CYRIA: variants seen among roughly 807,000 people sequenced by gnomAD.
CYRIA encodes CYFIP-related Rac1 interactor A.
CYRIA carries 15 observed loss-of-function variants against 43.9 expected under a neutral mutation model. The observed-to-expected ratio is 0.34, with a 90% CI of 0.23 to 0.53. The LOEUF (loss-of-function observed/expected upper bound fraction) is 0.53, where lower values mean the gene tolerates loss of function less well. Among genes scored for constraint, CYRIA ranks in the 20% least tolerant of loss-of-function variants. The pLI is 0.94. For synonymous variants in CYRIA, 117 were observed against 136.0 expected (o/e 0.86, Z 0.97); for missense variants, 236 against 394.2 (o/e 0.60, Z 3.40).
At chr2:16,568,150 A>G (rs1320642646) in intron 3 of CYRIA, among the ~76,000 whole-genome samples, 1 of 150,326 alleles carries the variant, frequency 6.7e-6, no homozygotes, top group Admixed American at 6.7e-5. Context: ...GAAAATTCTC[A>G]CTGGAGTATT....
intron 1 of CYRIA, among the ~76,000 whole-genome samples, chr2:16,653,922 GA>G (rs951936054): frequency 2.6e-5 from 4 of 152,226 alleles, no homozygotes; most frequent in African/African-American, 9.6e-5. Flanking sequence ...GATGAGCCAT[GA>G]AACTGAAAAT....
chr2:16,562,572 C>A (rs1329577637), intron 5 of CYRIA, among the ~76,000 whole-genome samples: 1 of 152,148 alleles, frequency 6.6e-6, no homozygotes, highest in East Asian at 1.9e-4. Flanking sequence ...CTTTTCTCTG[C>A]ATCTACATTC....
At chr2:16,593,710 GTGTGTGTGTT>G (rs1558418681) in intron 2 of CYRIA, among the ~76,000 whole-genome samples, 3 of 75,676 alleles carry the variant, frequency 4.0e-5, no homozygotes, top group Non-Finnish European at 7.0e-5. Context: ...TTTTTTTTGT[GTGTGTGTGTT>G]TTTTTTTTTT....
chr2:16,553,890 T>C lies in CYRIA; in HGVS notation c.909-891A>G, dbSNP rs573649643. Among the ~76,000 whole-genome samples, 13 of 152,224 alleles carry C rather than the reference T, an allele frequency of 8.5e-5. No individual in the cohort carries two copies. In the South Asian group the frequency reaches 1.9e-3, roughly 22 times the overall value. ...GAAGTTAAAGCCTTATTCATGTGTA[T>C]AGAAAGTCATCCTGGGTGTGAAATG... On this transcript the variant is annotated intron_variant, in intron 11 of 11. Transcript: ENST00000381323.
At chr2:16,570,762 C>T (rs917359143) in intron 3 of CYRIA, among the ~76,000 whole-genome samples, 1 of 152,162 alleles carries the variant, frequency 6.6e-6, no homozygotes, top group Non-Finnish European at 1.5e-5. Flanking sequence ...AAGAAAGGTA[C>T]AAACAGTCCC....
At chr2:16,616,623 C>T (rs1406034100) in intron 2 of CYRIA, among the ~76,000 whole-genome samples, 1 of 152,236 alleles carries the variant, frequency 6.6e-6, no homozygotes, top group East Asian at 1.9e-4. Context: ...CTCGGCTTTG[C>T]AACTCAATCA....
chr2:16,640,797 G>C (rs1669654464), intron 1 of CYRIA, among the ~76,000 whole-genome samples: 1 of 149,308 alleles, frequency 6.7e-6, no homozygotes, highest in Non-Finnish European at 1.5e-5. Flanking sequence ...GGGTTCTTTT[G>C]TTTCCTAAAC....
At chr2:16,628,296 G>A (rs1419486416) in intron 1 of CYRIA, among the ~76,000 whole-genome samples, 5 of 152,198 alleles carry the variant, frequency 3.3e-5, no homozygotes, top group Non-Finnish European at 7.3e-5. Flanking sequence ...TGCAGTTGAG[G>A]AAAGCTAAGT....
At chr2:16,612,206 T>C (rs1668629487) in intron 2 of CYRIA, among the ~76,000 whole-genome samples, 1 of 152,030 alleles carries the variant, frequency 6.6e-6, no homozygotes. Flanking sequence ...TGAAGAATGA[T>C]AGTGTGAAGG....
chr2:16,653,893 A>G (rs995965643), intron 1 of CYRIA, among the ~76,000 whole-genome samples: 2 of 152,248 alleles, frequency 1.3e-5, no homozygotes, highest in Non-Finnish European at 2.9e-5. Context: ...AAGCTAACGC[A>G]TAGTATTTGC....
At chr2:16,656,989 T>C (rs1478021215) in intron 1 of CYRIA, among the ~76,000 whole-genome samples, 1 of 152,134 alleles carries the variant, frequency 6.6e-6, no homozygotes, top group Non-Finnish European at 1.5e-5. Context: ...ACTTTCTACA[T>C]CCCTCCAGAG....
intron 2 of CYRIA, among the ~76,000 whole-genome samples, chr2:16,588,793 A>G (rs1040107716): frequency 6.6e-6 from 1 of 152,136 alleles, no homozygotes; most frequent in Non-Finnish European, 1.5e-5. Flanking sequence ...GGATCTTGTG[A>G]TCTGACATTC....
intron 5 of CYRIA, among the ~76,000 whole-genome samples, chr2:16,563,474 T>A (rs1018143955): frequency 2.6e-5 from 4 of 152,216 alleles, no homozygotes; most frequent in Non-Finnish European, 4.4e-5. Context: ...GATTTTGTCA[T>A]ATTGCTGGTC....
chr2:16,640,963 C>T (rs1166625649), intron 1 of CYRIA, among the ~76,000 whole-genome samples: 3 of 152,016 alleles, frequency 2.0e-5, no homozygotes, highest in South Asian at 2.1e-4. Flanking sequence ...AAAAGGCTGA[C>T]GAGTTTCTCA....
At chr2:16,645,427 G>A (rs544946306) in intron 1 of CYRIA, among the ~76,000 whole-genome samples, 12 of 152,276 alleles carry the variant, frequency 7.9e-5, no homozygotes, top group East Asian at 3.9e-4. Context: ...TTATATAGCC[G>A]CTGTGGAGTT....
rs1309492296 is a variant in CYRIA at position 16,552,834 on chromosome 2, G to A, written c.*102C>T. The A allele has an allele frequency of 2.2e-5, 17 of 768,500 alleles. No individual in the cohort carries two copies. The highest frequency in any genetic ancestry group is 2.7e-4 in the Middle Eastern group (1 of 3,742). 47.6% of individuals were successfully genotyped at this position (768,500 alleles called of 1,614,324 possible). A position where few individuals can be genotyped will look rare whatever the true frequency, so the allele number is the denominator to read the frequency against. ...TATATTTCAGTGACAAGAAGGAAACGGTTATGTAAATACACAAGTATTAAC... is the reference window on the plus strand; with the variant it reads ...TATATTTCAGTGACAAGAAGGAAACAGTTATGTAAATACACAAGTATTAAC... On this transcript the variant is annotated 3_prime_UTR_variant, in exon 12 of 12. Transcript: ENST00000381323.
chr2:16,644,834 G>C (rs1669774253), intron 1 of CYRIA, among the ~76,000 whole-genome samples: 1 of 152,064 alleles, frequency 6.6e-6, no homozygotes, highest in Admixed American at 6.6e-5. Flanking sequence ...AAATAGAGCA[G>C]AAAAATAAAG....
At position 16,612,908 on chromosome 2, in the gene CYRIA, C is replaced by A. The variant is rs181558511; in HGVS notation, c.-11+10956G>T. On this transcript the variant is annotated intron_variant, in intron 2 of 11. Coordinates refer to ENST00000381323, the MANE Select transcript of CYRIA (RefSeq NM_030797.4). ...ATTGAATCATGGTGGCACTTCCCCCCCATACTGTTCTCATGGTAGTGAATG... is the reference window on the plus strand; with the variant it reads ...ATTGAATCATGGTGGCACTTCCCCCACATACTGTTCTCATGGTAGTGAATG... 1.4e-3 allele frequency among the ~76,000 whole-genome samples: 207 copies of A among 152,292 alleles called. 6 individuals are homozygous for A. The South Asian group carries it at 0.033, about 25-fold the overall frequency.
rs1009104563 is a variant in CYRIA, at chr2:16,657,424, A to T, written c.-167+8356T>A. Among the ~76,000 whole-genome samples the T allele has an allele frequency of 3.3e-4, 50 of 152,002 alleles. 1 individual carries two copies. Among genetic ancestry groups the T allele is most frequent in the Admixed American group, 5.9e-4 (9 of 15,268 alleles). ...TTTTACTTCTCAGGAAATTTTTTTT[A>T]AAATGACTTTGTCCCAGTGAAATTT... On this transcript the variant is annotated intron_variant, in intron 1 of 11. Coordinates refer to ENST00000381323, the MANE Select transcript of CYRIA (RefSeq NM_030797.4).
Sources: allele counts gnomAD v4.1 joint callset (sites outside exome capture counted in the v4.1 genomes callset), GRCh38; gene constraint gnomAD v4.1.1; transcripts MANE v1.5; gene names NCBI Gene and HGNC (gene_info 2026-07-23, HGNC 2026-07-21).